UMODL1: variants seen among roughly 807,000 people sequenced by gnomAD.
The protein encoded by UMODL1 is uromodulin like 1, also known as uromodulin-like 1.
A neutral mutation model predicts 136.3 loss-of-function variants in UMODL1; 128 were observed. The ratio of observed to expected loss-of-function variants is 0.94; its 90% CI spans 0.81 to 1.09. The LOEUF (loss-of-function observed/expected upper bound fraction) is 1.09. UMODL1 is among the 50% of genes least tolerant of loss of function. UMODL1 has a pLI of 0.00. For synonymous variants in UMODL1, 721 were observed against 720.0 expected (o/e 1.00, Z -0.02); for missense variants, 1,766 against 1,725.6 (o/e 1.02, Z -0.41).
intron 19 of UMODL1, 36 bp from the exon 20 acceptor site, chr21:42,127,636 C>T (rs1476184675): frequency 6.3e-7 from 1 of 1,595,704 alleles, no homozygotes; most frequent in Non-Finnish European, 8.5e-7. Context: ...GCGGGGCTCG[C>T]TGACAAGCAA....
Position 42,085,847 on chromosome 21 carries a change from G to C in UMODL1, c.603+435G>C, listed in dbSNP as rs1569145868. Among the ~76,000 whole-genome samples the C allele has an allele frequency of 1.3e-5, 2 of 152,114 alleles. No homozygotes were observed. Among genetic ancestry groups the C allele is most frequent in the Non-Finnish European group, 2.9e-5 (2 of 68,018 alleles). ...TGCTGAGATGGGAACCGTAGCCCAG[G>C]GCTGGAGAGCACCCTGGGGTCTGAT... On this transcript the variant is annotated intron_variant, in intron 4 of 22. Coordinates refer to ENST00000408910, the MANE Select transcript of UMODL1 (RefSeq NM_001004416.3). The surrounding 1 kb of genome is among the most constrained non-coding windows in gnomAD (Gnocchi z 4.5).
rs1363696237 is a variant in UMODL1, at chr21:42,111,061, AG to A, written c.1844del (p.Gly615AlafsTer55). On this transcript the variant is annotated frameshift_variant, in exon 11 of 23. Coordinates refer to ENST00000408910, the MANE Select transcript of UMODL1 (RefSeq NM_001004416.3). LOFTEE classifies it high-confidence loss of function. ...GGACCCCAGAGCCCTCACCCAGAAG[AG>A]GGGGCAGCAATGTGGTCGGGTATGA... ...AWTPEPSPRR[G>X]GSNVVGYDRN... The A allele has an allele frequency of 1.9e-6, 3 of 1,613,432 alleles. No homozygotes were observed. Among genetic ancestry groups the A allele is most frequent in the Admixed American group, 3.3e-5 (2 of 59,944 alleles).
At chr21:42,081,441 G>A (rs996701612) in intron 2 of UMODL1, among the ~76,000 whole-genome samples, 2 of 152,176 alleles carry the variant, frequency 1.3e-5, no homozygotes, top group Non-Finnish European at 2.9e-5. Flanking sequence ...AAGGAGATTT[G>A]TGACTTTCTA....
chr21:42,121,097 G>T lies in UMODL1; in HGVS notation c.2700G>T (p.Glu900Asp). ...CTAAATGTTGTGCAGATTACGATGAGTGTGAAAGGAAGGAGGACGACTGTG... is the reference window on the plus strand; with the variant it reads ...CTAAATGTTGTGCAGATTACGATGATTGTGAAAGGAAGGAGGACGACTGTG... ...RGDTFIQDYD[E>D]CERKEDDCVP... is the part of the protein sequence containing the mutation. Residue 900 changes from glutamate (E) to aspartate (D), a missense_variant, in exon 16 of 23, where the codon GAG becomes GAT. By Grantham distance (45) the Glu-to-Asp change is conservative. Coordinates refer to ENST00000408910, the MANE Select transcript of UMODL1 (RefSeq NM_001004416.3). 6.2e-7 allele frequency: 1 copy of T among 1,613,560 alleles called. No homozygotes were observed. The highest frequency in any genetic ancestry group is 1.3e-5 in the African/African-American group (1 of 75,032).
At chr21:42,083,498 CTGA>C (rs1368041501) in intron 2 of UMODL1, among the ~76,000 whole-genome samples, 2 of 152,258 alleles carry the variant, frequency 1.3e-5, no homozygotes, top group African/African-American at 4.8e-5. Context: ...GGCGCCAGGG[CTGA>C]TGTCTGCAGA....
chr21:42,071,210 C>T (rs1322644569), upstream of UMODL1: 9 of 1,220,556 alleles, frequency 7.4e-6, no homozygotes, highest in Non-Finnish European at 9.6e-6. Flanking sequence ...ACAGAAAGGC[C>T]GTTTCTCCAG....
Position 42,099,058 on chromosome 21 carries a change from G to A in UMODL1, c.1064G>A (p.Ser355Asn), listed in dbSNP as rs143302227. The A allele has an allele frequency of 8.9e-4, 1,439 of 1,614,200 alleles. 18 individuals carry two copies. In the African/African-American group the frequency reaches 0.015, roughly 17 times the overall value. ...TACCGGGGTATGGAGTTGCTCAGGA[G>A]CGCCAGGACACAGAGCCAGGCACTG... is the stretch of plus-strand genomic sequence containing the variant. ...RVYRGMELLR[S>N]ARTQSQALAV... The change falls in exon 7 of 23, where the codon AGC becomes AAC. Residue 355 changes from serine to asparagine, a missense_variant. Ser to Asn is a conservative substitution (Grantham distance 46). Transcript: ENST00000408910. The surrounding 1 kb of genome is among the most constrained non-coding windows in gnomAD (Gnocchi z 4.1).
intron 2 of UMODL1, among the ~76,000 whole-genome samples, chr21:42,077,525 AAC>A (rs35400941): frequency 0.26 from 39,634 of 150,272 alleles, 4,470 homozygotes; most frequent in Non-Finnish European, 0.33. Flanking sequence ...CAGAAAAGTA[AAC>A]AGTTCCAGGT....
At chr21:42,070,980 TTTCTGCGTAAC>T (rs2066224912), upstream of UMODL1, among the ~76,000 whole-genome samples, 1 of 152,232 alleles carries the variant, frequency 6.6e-6, no homozygotes, top group Non-Finnish European at 1.5e-5. Context: ...TCAAATGTGT[TTTCTGCGTAAC>T]AACGAGATGG....
chr21:42,080,009 C>A (rs2066342630), intron 2 of UMODL1, among the ~76,000 whole-genome samples: 1 of 152,222 alleles, frequency 6.6e-6, no homozygotes, highest in African/African-American at 2.4e-5. Flanking sequence ...TTCTGCAACT[C>A]CTGCCGCTGG....
At chr21:42,117,339 C>A (rs147272642) in intron 14 of UMODL1, among the ~76,000 whole-genome samples, 1 of 152,208 alleles carries the variant, frequency 6.6e-6, no homozygotes, top group Non-Finnish European at 1.5e-5. Context: ...ATTCACCGAG[C>A]GCACTGGGCG....
intron 1 of UMODL1, among the ~76,000 whole-genome samples, chr21:42,066,229 T>C (rs2066181567): frequency 6.6e-6 from 1 of 152,214 alleles, no homozygotes; most frequent in South Asian, 2.1e-4. Flanking sequence ...ATTCTCCTGA[T>C]TGAAAAGAAG....
chr21:42,128,481 G>A (rs1300964684), intron 20 of UMODL1, among the ~76,000 whole-genome samples: 2 of 145,360 alleles, frequency 1.4e-5, no homozygotes, highest in Non-Finnish European at 3.0e-5. Flanking sequence ...CGGAGGTAGT[G>A]CTTGTTCCTG....
At position 42,121,219 on chromosome 21, in the gene UMODL1, G is replaced by C. The variant is rs751681661; in HGVS notation, c.2822G>C (p.Cys941Ser). Reference sequence around the variant, plus strand: ...CCTGTGGAATATTCTGAGAGACCCTGTGAAGGTAATGTCGTCAGAGTTTCT... The same window carrying C: ...CCTGTGGAATATTCTGAGAGACCCTCTGAAGGTAATGTCGTCAGAGTTTCT... ...DFPVEYSERP[C>S]EGDSPGNETW... is the part of the protein sequence containing the mutation. Residue 941 changes from cysteine (C) to serine (S), a missense_variant, in exon 16 of 23, where the codon TGT becomes TCT. Transcript: ENST00000408910. 1 of 1,611,208 alleles carries C rather than the reference G, an allele frequency of 6.2e-7. No homozygotes were observed. Among genetic ancestry groups the C allele is most frequent in the Non-Finnish European group, 8.5e-7 (1 of 1,178,728 alleles).
intron 13 of UMODL1, among the ~76,000 whole-genome samples, chr21:42,115,387 C>G (rs2066889659): frequency 6.6e-6 from 1 of 152,236 alleles, no homozygotes; most frequent in African/African-American, 2.4e-5. Context: ...GGAAGAAGGA[C>G]TGGCTCCAAA....
intron 13 of UMODL1, among the ~76,000 whole-genome samples, chr21:42,115,269 T>G (rs1469990332): frequency 6.6e-6 from 1 of 152,182 alleles, no homozygotes; most frequent in Non-Finnish European, 1.5e-5. Flanking sequence ...CACATTTATG[T>G]GCCACATACT....
At chr21:42,098,647 A>C (rs1438012777) in intron 6 of UMODL1, among the ~76,000 whole-genome samples, 1 of 152,130 alleles carries the variant, frequency 6.6e-6, no homozygotes, top group Non-Finnish European at 1.5e-5. Flanking sequence ...GAGTGCCTGT[A>C]ATCCCAGCTA....
chr21:42,069,043 G>C (rs1004569889), upstream of UMODL1, among the ~76,000 whole-genome samples: 1 of 152,156 alleles, frequency 6.6e-6, no homozygotes, highest in Non-Finnish European at 1.5e-5. Context: ...GACACACCCC[G>C]GCATTGTTGG....
At position 42,121,115 on chromosome 21, in the gene UMODL1, C is replaced by T. The variant is rs199757304; in HGVS notation, c.2718C>T (p.Asp906=). ...QDYDECERKE[D]DCVPGTSCRN... is the part of the protein sequence containing the mutation. ...ACGATGAGTGTGAAAGGAAGGAGGA[C>T]GACTGTGTGCCGGGGACATCCTGTC... Residue 906 remains aspartate, a synonymous_variant, in exon 16 of 23, where the codon GAC becomes GAT. Transcript: ENST00000408910. 309 of 1,613,720 alleles carry T rather than the reference C, an allele frequency of 1.9e-4. No homozygotes were observed. Among genetic ancestry groups the T allele is most frequent in the Non-Finnish European group, 1.0e-4 (121 of 1,179,932 alleles).
Sources: allele counts gnomAD v4.1 joint callset (sites outside exome capture counted in the v4.1 genomes callset), GRCh38; gene constraint gnomAD v4.1.1; non-coding constraint Gnocchi (gnomAD v3.1); transcripts MANE v1.5; gene names NCBI Gene and HGNC (gene_info 2026-07-23, HGNC 2026-07-21).